Variants in DCTN4 observed in about 807,000 individuals in gnomAD.
DCTN4 encodes the protein dynactin subunit 4.
DCTN4 carries 23 observed loss-of-function variants against 62.7 expected under a neutral mutation model. The ratio of observed to expected loss-of-function variants is 0.37; its 90% confidence interval spans 0.26 to 0.52. DCTN4 has a LOEUF of 0.52. Ranked by LOEUF, DCTN4 falls within the 20% of genes least tolerant of loss-of-function variation. The probability of loss-of-function intolerance (pLI) is 0.92; values close to 1 mark genes in which losing one functional copy is unlikely to be tolerated. For synonymous variants in DCTN4, 199 were observed against 202.1 expected (o/e 0.98, Z 0.13); for missense variants, 514 against 580.4 (o/e 0.89, Z 1.18).
At chr5:150,736,084 AAAAT>A (rs1432705792) in intron 4 of DCTN4, among the ~76,000 whole-genome samples, 1 of 151,992 alleles carries the variant, frequency 6.6e-6, no homozygotes, top group Non-Finnish European at 1.5e-5. Flanking sequence ...ATAATAATAA[AAAAT>A]AAAGCCTCTA....
intron 9 of DCTN4, 37 bp downstream of exon 9, chr5:150,722,870 A>C (rs374192472): frequency 1.3e-6 from 2 of 1,558,540 alleles, no homozygotes; most frequent in Admixed American, 1.7e-5. Flanking sequence ...AAATAACTCA[A>C]AACAGTAACT....
intron 1 of DCTN4, 84 bp from the exon 2 acceptor site, chr5:150,756,571 A>T (rs1371474852): frequency 1.2e-5 from 10 of 809,354 alleles, no homozygotes; most frequent in Non-Finnish European, 1.9e-5. Flanking sequence ...AGTGAATTTT[A>T]AAATATGTTA....
At chr5:150,748,843 C>T (rs551753996) in intron 3 of DCTN4, among the ~76,000 whole-genome samples, 93 of 146,022 alleles carry the variant, frequency 6.4e-4, no homozygotes, top group East Asian at 2.0e-3. Flanking sequence ...TGCTAAATGA[C>T]GAGTTAATGG....
At chr5:150,714,886 TC>T (rs1759699655) in intron 12 of DCTN4, among the ~76,000 whole-genome samples, 1 of 152,170 alleles carries the variant, frequency 6.6e-6, no homozygotes, top group South Asian at 2.1e-4. Context: ...TTCCCTTTGT[TC>T]CCTCCACCTA....
At chr5:150,725,988 C>T (rs894578062) in intron 8 of DCTN4, among the ~76,000 whole-genome samples, 6 of 151,948 alleles carry the variant, frequency 3.9e-5, no homozygotes, top group Non-Finnish European at 7.4e-5. Context: ...CTGCAACCTC[C>T]GCCTCCTGGG....
chr5:150,721,180 T>C (rs1759945044), intron 9 of DCTN4, among the ~76,000 whole-genome samples: 1 of 152,204 alleles, frequency 6.6e-6, no homozygotes, highest in Non-Finnish European at 1.5e-5. Context: ...TCACTAGACA[T>C]GCACTTCCCA....
intron 1 of DCTN4, chr5:150,757,911 T>C (rs901609945): frequency 4.9e-6 from 1 of 203,264 alleles, no homozygotes; most frequent in South Asian, 1.8e-4. Flanking sequence ...TTACTGGCTG[T>C]GTGACTTACA....
chr5:150,730,122 G>A (rs901938346), intron 8 of DCTN4, among the ~76,000 whole-genome samples: 2 of 152,196 alleles, frequency 1.3e-5, no homozygotes, highest in African/African-American at 2.4e-5. Flanking sequence ...ATGCGGGACT[G>A]TACAGACACA....
chr5:150,724,311 T>C (rs1393433899), intron 8 of DCTN4, among the ~76,000 whole-genome samples: 1 of 152,202 alleles, frequency 6.6e-6, no homozygotes, highest in East Asian at 1.9e-4. Context: ...GTTATTTTTA[T>C]TTCCTTGCCG....
chr5:150,718,947 T>C (rs900981183), intron 10 of DCTN4, among the ~76,000 whole-genome samples: 42 of 152,080 alleles, frequency 2.8e-4, no homozygotes, highest in African/African-American at 1.0e-3. Flanking sequence ...GCCTCCTGAG[T>C]AGCTGGGACC....
In DCTN4 at chr5:150,708,678, C is replaced by A. The variant is rs1303613846; in HGVS notation, c.*2471G>T. 1 of 152,828 alleles carries A rather than the reference C, an allele frequency of 6.5e-6. No homozygotes were observed. The highest frequency in any genetic ancestry group is 2.4e-5 in the African/African-American group (1 of 41,462). The allele number at this position is 152,828 out of a possible 1,614,324, so 9.5% of individuals were successfully genotyped here. A position where few individuals can be genotyped will look rare whatever the true frequency, so the allele number is the denominator to read the frequency against. On this transcript the variant is annotated 3_prime_UTR_variant, in exon 13 of 13. Transcript: ENST00000447998. ...CAACTCTCTTAGCCAACTCTCTTAA[C>A]TTCACGCTTGTCTTTTGGCTCTGAG...
chr5:150,711,358 T>C lies in DCTN4; in HGVS notation c.1174A>G (p.Ile392Val). The change falls in exon 13 of 13, where the codon ATA (isoleucine) becomes GTA (valine). Residue 392 changes from isoleucine to valine, a missense_variant. Transcript: ENST00000447998. ...ACTTTGTTGGCCTTTCTGAAGGCTA[T>C]AATGCTATGGAAAGAAAAAAAAGCA... is the stretch of plus-strand genomic sequence containing the variant. Reference protein sequence around the residue: ...PQDFQDDPDIIAFRKANKVGI... With the variant: ...PQDFQDDPDIVAFRKANKVGI... 6.2e-7 allele frequency: 1 copy of C among 1,612,486 alleles called. No homozygotes were observed. Among genetic ancestry groups the C allele is most frequent in the African/African-American group, 1.3e-5 (1 of 74,974 alleles).
chr5:150,733,739 C>A, intron 4 of DCTN4: 1 of 316,770 alleles, frequency 3.2e-6, no homozygotes, highest in Non-Finnish European at 5.9e-6. Context: ...TTACTTATTT[C>A]CCCTCACAAC....
chr5:150,717,824 T>G (rs1358526313), intron 11 of DCTN4, among the ~76,000 whole-genome samples: 2 of 152,174 alleles, frequency 1.3e-5, no homozygotes, highest in Non-Finnish European at 2.9e-5. Flanking sequence ...ACCACTAATA[T>G]GTACGATTCA....
At chr5:150,734,394 C>T (rs969733658) in intron 4 of DCTN4, 2 of 152,154 alleles carry the variant, frequency 1.3e-5, no homozygotes, top group Non-Finnish European at 2.9e-5. Flanking sequence ...AAAATTTAAC[C>T]TTACCTAGTG....
chr5:150,755,664 A>G, intron 2 of DCTN4: 1 of 431,330 alleles, frequency 2.3e-6, no homozygotes, highest in South Asian at 1.7e-5. Context: ...ATCAAAACCA[A>G]GGAAATTTTA....
At chr5:150,728,744 T>C (rs963078640) in intron 8 of DCTN4, among the ~76,000 whole-genome samples, 1 of 152,218 alleles carries the variant, frequency 6.6e-6, no homozygotes, top group South Asian at 2.1e-4. Flanking sequence ...AATAAGCATA[T>C]AGATGGATCA....
chr5:150,713,183 G>A (rs1759631215), intron 12 of DCTN4, among the ~76,000 whole-genome samples: 2 of 152,000 alleles, frequency 1.3e-5, no homozygotes, highest in South Asian at 4.2e-4. Context: ...AGTTTAAAAT[G>A]GTAAAAAGAA....
intron 1 of DCTN4, 76 bp from the exon 2 acceptor site, chr5:150,756,563 T>A: frequency 1.1e-6 from 1 of 910,010 alleles, no homozygotes; most frequent in Non-Finnish European, 1.7e-6. Flanking sequence ...TGTCAAATAG[T>A]GAATTTTAAA....
Sources: gnomAD v4.1 joint callset for allele counts (sites outside exome capture counted in the v4.1 genomes callset) on GRCh38, gnomAD v4.1.1 for gene constraint, MANE v1.5 for transcripts, NCBI Gene and HGNC (gene_info 2026-07-23, HGNC 2026-07-21) for gene names.